Variants in SLC22A24 observed in about 807,000 individuals in gnomAD.
The protein encoded by SLC22A24 is steroid transmembrane transporter SLC22A24.
In SLC22A24, 53 loss-of-function variants were observed where a neutral mutation model predicts 49.8. That is an observed-to-expected ratio of 1.06 (90% CI 0.85 to 1.34). The LOEUF is 1.34. Ranked by LOEUF, SLC22A24 falls within the 40% of genes most tolerant of loss-of-function variation. The pLI, the probability that SLC22A24 is intolerant of heterozygous loss-of-function variation, is 0.00. For synonymous variants in SLC22A24, 302 were observed against 256.4 expected (o/e 1.18, Z -1.70); for missense variants, 786 against 675.9 (o/e 1.16, Z -1.81).
chr11:63,118,199 C>T, intron 4 of SLC22A24, among the ~76,000 whole-genome samples: 1 of 140,644 alleles, frequency 7.1e-6, no homozygotes, highest in Non-Finnish European at 1.5e-5. Context: ...CCTCCTCCCT[C>T]TAGTACCAAG....
At chr11:63,093,963 A>G (rs1014432172) in intron 6 of SLC22A24, among the ~76,000 whole-genome samples, 4 of 131,394 alleles carry the variant, frequency 3.0e-5, no homozygotes, top group African/African-American at 1.1e-4. Flanking sequence ...TGGAACAACC[A>G]AAATTCTTTT....
intron 4 of SLC22A24, among the ~76,000 whole-genome samples, chr11:63,108,826 CT>C (rs922145643): frequency 1.4e-5 from 2 of 148,106 alleles, no homozygotes; most frequent in Non-Finnish European, 3.0e-5. Flanking sequence ...TTTTTTTTTC[CT>C]TTTGTCTTTA....
At chr11:63,110,339 T>G (rs1365924501) in intron 4 of SLC22A24, among the ~76,000 whole-genome samples, 1 of 152,210 alleles carries the variant, frequency 6.6e-6, no homozygotes, top group Non-Finnish European at 1.5e-5. Context: ...GGGCTCTTTT[T>G]TGGTTCCATA....
At position 63,107,125 on chromosome 11, in the gene SLC22A24, A is replaced by T. The variant is rs181279547; in HGVS notation, c.831-2827T>A. The stretch of plus-strand genomic sequence containing the variant: ...TTTTTGTATAAGGTGTAAGGAAGGG[A>T]TCCAGTTTCAGCTTTCTACATATGG... On this transcript the variant is annotated intron_variant, in intron 4 of 9. Transcript: ENST00000612278. 8.3e-3 allele frequency among the ~76,000 whole-genome samples: 1,260 copies of T among 152,240 alleles called. 9 individuals are homozygous for T. The highest frequency in any genetic ancestry group is 0.012 in the Non-Finnish European group (834 of 67,998).
At chr11:63,104,736 A>G (rs2087110095) in intron 4 of SLC22A24, among the ~76,000 whole-genome samples, 1 of 152,174 alleles carries the variant, frequency 6.6e-6, no homozygotes, top group African/African-American at 2.4e-5. Context: ...ACGGTATGGG[A>G]GAAACCATCC....
chr11:63,127,239 G>C (rs756373559), intron 2 of SLC22A24, among the ~76,000 whole-genome samples: 3 of 151,932 alleles, frequency 2.0e-5, no homozygotes, highest in South Asian at 2.1e-4. Context: ...TTTGGCTTTC[G>C]GTCCTTGTGA....
chr11:63,129,806 G>A (rs2087320579), intron 2 of SLC22A24, among the ~76,000 whole-genome samples: 2 of 152,194 alleles, frequency 1.3e-5, no homozygotes, highest in South Asian at 4.1e-4. Context: ...AGCAATGCTT[G>A]TGATTTTTCC....
chr11:63,109,396 GTTCTA>G (rs2087145988), intron 4 of SLC22A24, among the ~76,000 whole-genome samples: 1 of 145,980 alleles, frequency 6.9e-6, no homozygotes, highest in Non-Finnish European at 1.5e-5. Flanking sequence ...GGTATTTCTA[GTTCTA>G]GATCCCTGAG....
chr11:63,091,504 C>T (rs2087020334), intron 6 of SLC22A24, among the ~76,000 whole-genome samples: 1 of 152,110 alleles, frequency 6.6e-6, no homozygotes, highest in African/African-American at 2.4e-5. Context: ...TGAGAAAATC[C>T]TCAATAAAAT....
intron 2 of SLC22A24, among the ~76,000 whole-genome samples, chr11:63,132,277 T>G (rs2087342149): frequency 6.6e-6 from 1 of 152,238 alleles, no homozygotes; most frequent in South Asian, 2.1e-4. Context: ...TGAAGCCTAC[T>G]TCTGTCAACT....
At chr11:63,101,439 G>C (rs1363206865) in intron 5 of SLC22A24, among the ~76,000 whole-genome samples, 4 of 151,906 alleles carry the variant, frequency 2.6e-5, no homozygotes, top group Non-Finnish European at 5.9e-5. Context: ...TACTAGGTAA[G>C]TGTTAATTAA....
Position 63,096,066 on chromosome 11 carries a change from C to G in SLC22A24, c.995G>C (p.Arg332Pro). The change falls in exon 6 of 10, where the codon CGA becomes CCA. Residue 332 changes from arginine to proline, a missense_variant. Physicochemically the swap from Arg to Pro is moderately radical, Grantham distance 103 (BLOSUM62 -2). Transcript: ENST00000612278. ...STMKKELDAV[R>P]IKTSIFSLFR... ...CAGGGAAAAAATGGATGTTTTAATT[C>G]GGACTGCATCCAACTCCTTCTTCAT... 6.4e-7 allele frequency: 1 copy of G among 1,550,792 alleles called. No homozygotes were observed.
chr11:63,111,077 A>C (rs1377261475), intron 4 of SLC22A24, among the ~76,000 whole-genome samples: 73 of 151,964 alleles, frequency 4.8e-4, no homozygotes, highest in Admixed American at 4.3e-3. Context: ...GAATTTTGTC[A>C]AAGGCCTTTT....
intron 2 of SLC22A24, among the ~76,000 whole-genome samples, chr11:63,122,608 G>C (rs898286666): frequency 1.3e-5 from 2 of 152,184 alleles, no homozygotes; most frequent in African/African-American, 4.8e-5. Context: ...TCCGCCTCCT[G>C]GGTTCAAGCC....
intron 2 of SLC22A24, among the ~76,000 whole-genome samples, chr11:63,131,470 C>G (rs939843949): frequency 1.1e-4 from 17 of 152,110 alleles, no homozygotes; most frequent in Non-Finnish European, 1.5e-4. Context: ...TAAGGCAGGC[C>G]TGGTGGTGAC....
At chr11:63,119,369 G>T in intron 2 of SLC22A24, 34 bp from the exon 3 acceptor site, 2 of 1,480,102 alleles carry the variant, frequency 1.4e-6, no homozygotes, top group South Asian at 2.7e-5. Context: ...CGTTACTTAG[G>T]AACAAAAATA....
intron 4 of SLC22A24, among the ~76,000 whole-genome samples, chr11:63,110,725 T>C (rs2087157013): frequency 7.4e-6 from 1 of 136,014 alleles, no homozygotes; most frequent in Non-Finnish European, 1.6e-5. Flanking sequence ...CTGAAGTTGC[T>C]TATCAGCTTA....
chr11:63,081,790 A>T (rs2086961801), intron 7 of SLC22A24, 124 bp from the exon 8 acceptor site: 1 of 676,112 alleles, frequency 1.5e-6, no homozygotes. Flanking sequence ...AAACTGCAAC[A>T]TGCCAGAGAT....
intron 2 of SLC22A24, among the ~76,000 whole-genome samples, chr11:63,125,866 G>A (rs2087286729): frequency 6.6e-6 from 1 of 152,160 alleles, no homozygotes; most frequent in Admixed American, 6.5e-5. Flanking sequence ...GGTGTGAGAT[G>A]GTATCTCATT....
Sources: gnomAD v4.1 joint callset for allele counts (sites outside exome capture counted in the v4.1 genomes callset) on GRCh38, gnomAD v4.1.1 for gene constraint, MANE v1.5 for transcripts, NCBI Gene and HGNC (gene_info 2026-07-23, HGNC 2026-07-21) for gene names.